The following IL15RA variants were observed in gnomAD, a reference collection of about 807,000 sequenced individuals.
The protein encoded by IL15RA is interleukin 15 receptor subunit alpha.
IL15RA carries 26 observed loss-of-function variants against 24.2 expected under a neutral mutation model. The observed-to-expected ratio is 1.07, with a 90% CI of 0.79 to 1.49. IL15RA has a LOEUF of 1.49. Ranked by LOEUF, IL15RA falls within the 40% of genes most tolerant of loss-of-function variation. The pLI, the probability that IL15RA is intolerant of heterozygous loss-of-function variation, is 0.00. For missense variants in IL15RA, 354 were observed against 356.4 expected, an observed-to-expected ratio of 0.99 and a Z score of 0.05; for synonymous variants, 166 against 157.6, an observed-to-expected ratio of 1.05 and a Z score of -0.40.
rs534620877 is a variant in IL15RA at position 5,958,678 on chromosome 10, C to T, written c.616+1076G>A. 3.3e-5 allele frequency among the ~76,000 whole-genome samples: 5 copies of T among 152,044 alleles called. No homozygotes were observed. The South Asian group carries it at 8.3e-4, about 25-fold the overall frequency. On this transcript the variant is annotated intron_variant, in intron 5 of 6. Transcript: ENST00000379977. This position sits in a 1 kb window ranked among gnomAD's most constrained non-coding sequence, Gnocchi z 4.3. ...CTGGGATTATAGGTGTGAGCTACCT[C>T]GCCCAGCCTGATTGTTTTTTAAACG...
rs958177772 is a variant in IL15RA at position 5,973,089 on chromosome 10, C to T, written c.88+4316G>A. Reference sequence around the variant, plus strand: ...AGTCTTCTCAGTTGCTTCTGGCCATCGCCCGCAATCTTTCAGACTGAAATG... The same window carrying T: ...AGTCTTCTCAGTTGCTTCTGGCCATTGCCCGCAATCTTTCAGACTGAAATG... On this transcript the variant is annotated intron_variant, in intron 1 of 6. Coordinates refer to ENST00000379977, the MANE Select transcript of IL15RA (RefSeq NM_002189.4). This position sits in a 1 kb window ranked among gnomAD's most constrained non-coding sequence, Gnocchi z 4.5. 2.0e-5 allele frequency among the ~76,000 whole-genome samples: 3 copies of T among 152,222 alleles called. No homozygotes were observed. Among genetic ancestry groups the T allele is most frequent in the Non-Finnish European group, 4.4e-5 (3 of 68,036 alleles).
Position 5,966,406 on chromosome 10 carries a change from C to T in IL15RA, c.89-67G>A. Reference sequence around the variant, plus strand: ...ACTTGTAAGAGGCGTTCTCCAGGCACACGCAGCGGTAGTCAGTGTCCAGCT... The same window carrying T: ...ACTTGTAAGAGGCGTTCTCCAGGCATACGCAGCGGTAGTCAGTGTCCAGCT... On this transcript the variant is annotated intron_variant, in intron 1 of 6. Coordinates refer to ENST00000379977, the MANE Select transcript of IL15RA (RefSeq NM_002189.4). This position sits in a 1 kb window ranked among gnomAD's most constrained non-coding sequence, Gnocchi z 6.4. 7.5e-7 allele frequency: 1 copy of T among 1,336,078 alleles called. No homozygotes were observed. The highest frequency in any genetic ancestry group is 1.1e-6 in the Non-Finnish European group (1 of 944,054). 82.8% of individuals were successfully genotyped at this position (1,336,078 alleles called of 1,614,324 possible). A position where few individuals can be genotyped will look rare whatever the true frequency, so the allele number is the denominator to read the frequency against.
rs1234593686 is a variant in IL15RA, at chr10:5,961,206, TGCCCTGCC to T, written c.383-647_383-640del. ...CTGGGATTACGGGCGAGAGCCACTG[TGCCCTGCC>T]GCAAGACCCTGTTTCTACAAAAATA... On this transcript the variant is annotated intron_variant, in intron 3 of 6. Transcript: ENST00000379977. This position sits in a 1 kb window ranked among gnomAD's most constrained non-coding sequence, Gnocchi z 5.2. Among the ~76,000 whole-genome samples, 1 of 152,028 alleles carries T rather than the reference TGCCCTGCC, an allele frequency of 6.6e-6. No homozygotes were observed. Among genetic ancestry groups the T allele is most frequent in the Non-Finnish European group, 1.5e-5 (1 of 68,000 alleles).
chr10:5,968,873 G>A lies in IL15RA; in HGVS notation c.89-2534C>T. The A allele has an allele frequency of 8.2e-7, 1 of 1,226,890 alleles. No individual in the cohort carries two copies. Among genetic ancestry groups the A allele is most frequent in the Non-Finnish European group, 1.2e-6 (1 of 864,836 alleles). The allele number at this position is 1,226,890 out of a possible 1,614,324, so 76.0% of individuals were successfully genotyped here. On this transcript the variant is annotated intron_variant, in intron 1 of 6. Transcript: ENST00000379977. This position sits in a 1 kb window ranked among gnomAD's most constrained non-coding sequence, Gnocchi z 5.4. ...CCTCGTGTGTCTGGACCTCATGGTT[G>A]AAGCTTTCAGATATTCTGCTCCTTC...
At position 5,962,068 on chromosome 10, in the gene IL15RA, G is replaced by A. The variant is rs999004317; in HGVS notation, c.383-1501C>T. On this transcript the variant is annotated intron_variant, in intron 3 of 6. Transcript: ENST00000379977. The surrounding 1 kb of genome is among the most constrained non-coding windows in gnomAD (Gnocchi z 5.2). The stretch of plus-strand genomic sequence containing the variant: ...CCATTGTGTCTCGACAATGGCCATC[G>A]GACCAGGTATTGGGGATGCGAAGGT... Among the ~76,000 whole-genome samples, 2 of 152,168 alleles carry A rather than the reference G, an allele frequency of 1.3e-5. No individual in the cohort carries two copies. The highest frequency in any genetic ancestry group is 2.9e-5 in the Non-Finnish European group (2 of 68,030).
In IL15RA at chr10:5,953,022, C is replaced by T; in HGVS notation, c.*73G>A. ...TCCTGGAGCCCGCTTCCTTGCACCT[C>T]TTCTCAGTCGTCTTTAGCTAAAGCA... On this transcript the variant is annotated 3_prime_UTR_variant, in exon 7 of 7. Coordinates refer to ENST00000379977, the MANE Select transcript of IL15RA (RefSeq NM_002189.4). This position sits in a 1 kb window ranked among gnomAD's most constrained non-coding sequence, Gnocchi z 5.3. 1 of 1,133,606 alleles carries T rather than the reference C, an allele frequency of 8.8e-7. No individual in the cohort carries two copies. The highest frequency in any genetic ancestry group is 1.3e-6 in the Non-Finnish European group (1 of 751,200). The allele number at this position is 1,133,606 out of a possible 1,614,324, so 70.2% of individuals were successfully genotyped here. A position where few individuals can be genotyped will look rare whatever the true frequency, so the allele number is the denominator to read the frequency against.
downstream of IL15RA, among the ~76,000 whole-genome samples, chr10:5,951,141 C>CAAAAAAAAAAAAAAAAAAAA (rs60771366): frequency 8.3e-5 from 3 of 35,950 alleles, no homozygotes; most frequent in Non-Finnish European, 1.4e-4. Context: ...GACTCAGTCT[C>CAAAAAAAAAAAAAAAAAAAA]AAAAAAAAAA....
rs140334278 is a variant in IL15RA at position 5,974,205 on chromosome 10, G to T, written c.88+3200C>A. Reference sequence around the variant, plus strand: ...AGTAGAGAAGGGGTTTTACCATGTTGACCTGGCTGGTCTCGAACTCCTGGC... The same window carrying T: ...AGTAGAGAAGGGGTTTTACCATGTTTACCTGGCTGGTCTCGAACTCCTGGC... On this transcript the variant is annotated intron_variant, in intron 1 of 6. Coordinates refer to ENST00000379977, the MANE Select transcript of IL15RA (RefSeq NM_002189.4). Among the ~76,000 whole-genome samples the T allele has an allele frequency of 4.6e-3, 705 of 152,248 alleles. 7 individuals are homozygous for T. The highest frequency in any genetic ancestry group is 0.016 in the African/African-American group (673 of 41,544).
rs1426443978 is a variant in IL15RA, at chr10:5,977,516, C to T, written c.-24G>A. The stretch of plus-strand genomic sequence containing the variant: ...ATGGCGGCAGCTCCACAGGACACCG[C>T]TGGACTCCCCGGGCGAGCGCTGCCC... On this transcript the variant is annotated 5_prime_UTR_variant, in exon 1 of 7. Transcript: ENST00000379977. The T allele has an allele frequency of 1.5e-5, 20 of 1,326,090 alleles. No individual in the cohort carries two copies. In the Admixed American group the frequency reaches 3.1e-4, roughly 20 times the overall value. The allele number at this position is 1,326,090 out of a possible 1,614,324, so 82.1% of individuals were successfully genotyped here.
intron 5 of IL15RA, among the ~76,000 whole-genome samples, chr10:5,957,663 C>T (rs1016304320): frequency 6.7e-6 from 1 of 149,594 alleles, no homozygotes; most frequent in African/African-American, 2.5e-5. Flanking sequence ...CTCGAGTTTG[C>T]TCACTGCAAC....
chr10:5,976,036 T>C (rs374461042), intron 1 of IL15RA, among the ~76,000 whole-genome samples: 1 of 152,200 alleles, frequency 6.6e-6, no homozygotes, highest in Admixed American at 6.5e-5. Flanking sequence ...TGCTCCCCTA[T>C]CCACTCAGTC....
chr10:5,956,008 G>A (rs966091043), intron 6 of IL15RA, among the ~76,000 whole-genome samples: 17 of 151,970 alleles, frequency 1.1e-4, no homozygotes, highest in Admixed American at 9.2e-4. Context: ...CACTATGGTG[G>A]GGCTCTTTTC....
At chr10:5,956,240 C>G in intron 6 of IL15RA, 139 bp downstream of exon 6, 1 of 658,650 alleles carries the variant, frequency 1.5e-6, no homozygotes, top group South Asian at 1.7e-5. Context: ...GTCTCAAACT[C>G]CTGACCTCAA....
chr10:5,958,760 C>T lies in IL15RA; in HGVS notation c.616+994G>A, dbSNP rs1308323240. 6.6e-6 allele frequency among the ~76,000 whole-genome samples: 1 copy of T among 152,152 alleles called. No homozygotes were observed. The highest frequency in any genetic ancestry group is 2.1e-4 in the South Asian group (1 of 4,830). The stretch of plus-strand genomic sequence containing the variant: ...AGTCACTTGATGTTTTCCCAGATGA[C>T]GTTTGATGCAGGTAAAAATGACACC... On this transcript the variant is annotated intron_variant, in intron 5 of 6. Coordinates refer to ENST00000379977, the MANE Select transcript of IL15RA (RefSeq NM_002189.4). The surrounding 1 kb of genome is among the most constrained non-coding windows in gnomAD (Gnocchi z 4.3).
chr10:5,960,512 A>G lies in IL15RA; in HGVS notation c.438T>C (p.Ile146=). 1.9e-6 allele frequency: 3 copies of G among 1,614,136 alleles called. No individual in the cohort carries two copies. Among genetic ancestry groups the G allele is most frequent in the Non-Finnish European group, 2.5e-6 (3 of 1,180,012 alleles). Residue 146 remains isoleucine (I), a synonymous_variant, in exon 4 of 7, where the codon ATT becomes ATC. Transcript: ENST00000379977. The surrounding 1 kb of genome is among the most constrained non-coding windows in gnomAD (Gnocchi z 5.1). ...AAGGCATCAGCTGGGAGCCCGGGAC[A>G]ATAGCTGCTGTTGTGGCCGCTGTGT... is the stretch of plus-strand genomic sequence containing the variant. The part of the protein sequence containing the change: ...SNNTAATTAA[I]VPGSQLMPSK...
rs1050516454 is a variant in IL15RA at position 5,962,348 on chromosome 10, T to C, written c.382+1395A>G. On this transcript the variant is annotated intron_variant, in intron 3 of 6. Coordinates refer to ENST00000379977, the MANE Select transcript of IL15RA (RefSeq NM_002189.4). The surrounding 1 kb of genome is among the most constrained non-coding windows in gnomAD (Gnocchi z 5.2). The stretch of plus-strand genomic sequence containing the variant: ...GGCTCACACCTGTAATCCCAGCACT[T>C]TGGGAGACTAAGGCTTGCGGATCAC... Among the ~76,000 whole-genome samples the C allele has an allele frequency of 2.0e-4, 31 of 152,096 alleles. No homozygotes were observed. The highest frequency in any genetic ancestry group is 7.2e-4 in the African/African-American group (30 of 41,416).
At position 5,961,180 on chromosome 10, in the gene IL15RA, G is replaced by A. The variant is rs1170318202; in HGVS notation, c.383-613C>T. On this transcript the variant is annotated intron_variant, in intron 3 of 6. Transcript: ENST00000379977. The surrounding 1 kb of genome is among the most constrained non-coding windows in gnomAD (Gnocchi z 5.2). ...TCCACCCACCTTGGCCTCCCAAAGT[G>A]CTGGGATTACGGGCGAGAGCCACTG... Among the ~76,000 whole-genome samples, 1 of 152,170 alleles carries A rather than the reference G, an allele frequency of 6.6e-6. No individual in the cohort carries two copies. Among genetic ancestry groups the A allele is most frequent in the Non-Finnish European group, 1.5e-5 (1 of 68,036 alleles).
Position 5,977,426 on chromosome 10 carries a change from G to T in IL15RA, c.67C>A (p.Leu23Ile). 7.5e-7 allele frequency: 1 copy of T among 1,340,720 alleles called. No individual in the cohort carries two copies. The highest frequency in any genetic ancestry group is 9.6e-7 in the Non-Finnish European group (1 of 1,045,576). The allele number at this position is 1,340,720 out of a possible 1,614,324, so 83.1% of individuals were successfully genotyped here. ...CTACCCCGCGTCGCCGGCGGCCGGAGCAGCAGCAGCAGTAGCAGCGCCGGG... is the reference window on the plus strand; with the variant it reads ...CTACCCCGCGTCGCCGGCGGCCGGATCAGCAGCAGCAGTAGCAGCGCCGGG... ...GLPALLLLLL[L>I]RPPATRGITC... Residue 23 changes from leucine to isoleucine, a missense_variant, in exon 1 of 7, where the codon CTC (leucine) becomes ATC (isoleucine). Transcript: ENST00000379977.
chr10:5,977,637 G>A (rs1466995012), upstream of IL15RA: 3 of 1,257,400 alleles, frequency 2.4e-6, no homozygotes, highest in South Asian at 3.1e-5. Flanking sequence ...GGCTCGGAGA[G>A]GTGCAAAGCG....
Sources: gnomAD v4.1 joint callset for allele counts (sites outside exome capture counted in the v4.1 genomes callset) on GRCh38, gnomAD v4.1.1 for gene constraint, Gnocchi (gnomAD v3.1) non-coding constraint, MANE v1.5 for transcripts, NCBI Gene and HGNC (gene_info 2026-07-23, HGNC 2026-07-21) for gene names.